The following ASGR1 variants were observed in gnomAD, a reference collection of about 807,000 sequenced individuals.
ASGR1 encodes C-type lectin domain family 4 member H1.
A neutral mutation model predicts 33.1 loss-of-function variants in ASGR1; 35 were observed. The ratio of observed to expected loss-of-function variants is 1.06; its 90% CI spans 0.81 to 1.40. The LOEUF (loss-of-function observed/expected upper bound fraction) is 1.40. ASGR1 is among the 40% of genes most tolerant of loss of function. ASGR1 has a pLI of 0.00. For synonymous variants in ASGR1, 142 were observed against 152.5 expected, an observed-to-expected ratio of 0.93 and a Z score of 0.51; for missense variants, 396 against 373.7, an observed-to-expected ratio of 1.06 and a Z score of -0.49.
intron 5 of ASGR1, among the ~76,000 whole-genome samples, chr17:7,175,746 C>T (rs759444493): frequency 1.3e-5 from 2 of 150,484 alleles, no homozygotes; most frequent in Non-Finnish European, 2.9e-5. Flanking sequence ...CACTCACAAA[C>T]ACCCATCCAC....
rs777401287 is a variant in ASGR1 at position 7,173,684 on chromosome 17, G to C, written c.851C>G (p.Ala284Gly). 9 of 1,613,588 alleles carry C rather than the reference G, an allele frequency of 5.6e-6. No individual in the cohort carries two copies. The highest frequency in any genetic ancestry group is 7.6e-6 in the Non-Finnish European group (9 of 1,180,052). Reference sequence around the variant, plus strand: ...TTAAAGGAGAGGTGGCTCCTGGCTGGCCTTGTCCAGCTCTGTCTCGCAGAC... The same window carrying C: ...TTAAAGGAGAGGTGGCTCCTGGCTGCCCTTGTCCAGCTCTGTCTCGCAGAC... ...RWVCETELDK[A>G]SQEPPLL Residue 284 changes from alanine (A) to glycine (G), a missense_variant, in exon 9 of 9, where the codon GCC becomes GGC. Coordinates refer to ENST00000269299, the MANE Select transcript of ASGR1 (RefSeq NM_001671.5). The surrounding 1 kb of genome is among the most constrained non-coding windows in gnomAD (Gnocchi z 4.7).
At position 7,174,923 on chromosome 17, in the gene ASGR1, A is replaced by G. The variant is rs553943362; in HGVS notation, c.356-463T>C. The stretch of plus-strand genomic sequence containing the variant: ...ACACACAATACAGAACACACAACAC[A>G]CCCTAACCCACATACACAAAACACA... On this transcript the variant is annotated intron_variant, in intron 5 of 8. Transcript: ENST00000269299. Among the ~76,000 whole-genome samples, 41 of 149,876 alleles carry G rather than the reference A, an allele frequency of 2.7e-4. No homozygotes were observed. In the South Asian group the frequency reaches 8.7e-3, roughly 32 times the overall value.
In ASGR1 at chr17:7,174,256, A is replaced by AC. The variant is rs763364916; in HGVS notation, c.475dup (p.Val159GlyfsTer19). The AC allele has an allele frequency of 6.8e-6, 11 of 1,613,980 alleles. No individual in the cohort carries two copies. Among genetic ancestry groups the AC allele is most frequent in the African/African-American group, 1.3e-5 (1 of 74,936 alleles). On this transcript the variant is annotated frameshift_variant, in exon 7 of 9. Coordinates refer to ENST00000269299, the MANE Select transcript of ASGR1 (RefSeq NM_001671.5). LOFTEE classifies it high-confidence loss of function. ...CCAGTAGCAGCTGCGCTCGTGCTCCACCCAGTTGACCGGGCAGCAGGTCCT... is the reference window on the plus strand; with the variant it reads ...CCAGTAGCAGCTGCGCTCGTGCTCCACCCCAGTTGACCGGGCAGCAGGTCCT...
At position 7,179,289 on chromosome 17, in the gene ASGR1, A is replaced by C. The variant is rs1469295057; in HGVS notation, c.-125T>G. ...GCTTGGAGAATGGGGGTGGGCGGAC[A>C]GCCGTGGACAATGGGAGGGGAGCGG... On this transcript the variant is annotated 5_prime_UTR_variant, in exon 1 of 9. Coordinates refer to ENST00000269299, the MANE Select transcript of ASGR1 (RefSeq NM_001671.5). 1 of 152,356 alleles carries C rather than the reference A, an allele frequency of 6.6e-6. No individual in the cohort carries two copies. Among genetic ancestry groups the C allele is most frequent in the African/African-American group, 2.4e-5 (1 of 41,368 alleles). The allele number at this position is 152,356 out of a possible 1,614,324, so 9.4% of individuals were successfully genotyped here. A position where few individuals can be genotyped will look rare whatever the true frequency, so the allele number is the denominator to read the frequency against.
chr17:7,176,586 A>C, intron 5 of ASGR1: 1 of 582,234 alleles, frequency 1.7e-6, no homozygotes, highest in Non-Finnish European at 3.0e-6. Context: ...ACAGACTCAC[A>C]CACACTCCAT....
chr17:7,177,727 G>A, intron 2 of ASGR1: 1 of 196,920 alleles, frequency 5.1e-6, no homozygotes, highest in Non-Finnish European at 1.1e-5. Flanking sequence ...CTCTGTCCAT[G>A]AATTCCACTT....
chr17:7,173,882 G>T lies in ASGR1; in HGVS notation c.702-49C>A, dbSNP rs914079300. On this transcript the variant is annotated intron_variant, in intron 8 of 8. Coordinates refer to ENST00000269299, the MANE Select transcript of ASGR1 (RefSeq NM_001671.5). This position sits in a 1 kb window ranked among gnomAD's most constrained non-coding sequence, Gnocchi z 4.7. ...CCCCAGGAGGTCGGATCCGCAGGCG[G>T]GTCGCTCCAGACTCCTCAGCCCAGG... is the stretch of plus-strand genomic sequence containing the variant. 25 of 1,607,340 alleles carry T rather than the reference G, an allele frequency of 1.6e-5. No homozygotes were observed. Among genetic ancestry groups the T allele is most frequent in the South Asian group, 4.4e-5 (4 of 90,908 alleles).
chr17:7,178,440 G>T (rs1202491788), intron 2 of ASGR1, 54 bp downstream of exon 2: 2 of 1,540,472 alleles, frequency 1.3e-6, no homozygotes, highest in African/African-American at 2.7e-5. Context: ...GTGGCTGGGG[G>T]GTGGAGAACC....
intron 5 of ASGR1, 57 bp from the exon 6 acceptor site, chr17:7,174,517 A>C: frequency 1.3e-6 from 2 of 1,553,748 alleles, no homozygotes; most frequent in South Asian, 1.2e-5. Context: ...GGGGAGGGAA[A>C]CGGGAAACGA....
rs1185210556 is a variant in ASGR1, at chr17:7,178,724, CT to C, written c.-25-137del. On this transcript the variant is annotated intron_variant, in intron 1 of 8. Transcript: ENST00000269299. ...TTTCTTCTTTCTTTCTTTTCTTTTTCTTTTTTTTCTTTTCTTTTTTTTTTTT... is the reference window on the plus strand; with the variant it reads ...TTTCTTCTTTCTTTCTTTTCTTTTTCTTTTTTTCTTTTCTTTTTTTTTTTT... 12 of 427,466 alleles carry C rather than the reference CT, an allele frequency of 2.8e-5. No individual in the cohort carries two copies. The Middle Eastern group carries it at 1.9e-3, about 68-fold the overall frequency. The allele number at this position is 427,466 out of a possible 1,614,324, so 26.5% of individuals were successfully genotyped here.
chr17:7,174,486 G>C (rs376742824), intron 5 of ASGR1, 26 bp from the exon 6 acceptor site: 5 of 1,603,756 alleles, frequency 3.1e-6, no homozygotes, highest in Middle Eastern at 1.7e-4. Context: ...GGAGGGGAGC[G>C]GGAGGAGATG....
chr17:7,179,029 G>GC (rs1164757639), intron 1 of ASGR1, 161 bp downstream of exon 1: 1 of 152,508 alleles, frequency 6.6e-6, no homozygotes, highest in African/African-American at 2.4e-5. Context: ...GGACCACCGC[G>GC]CCCCACCGGG....
intron 3 of ASGR1, 24 bp from the exon 4 acceptor site, chr17:7,177,100 G>A (rs781053274): frequency 3.7e-6 from 6 of 1,613,722 alleles, no homozygotes; most frequent in Non-Finnish European, 5.1e-6. Flanking sequence ...CGTGCAGAGA[G>A]AAGAAAACGG....
chr17:7,176,149 TCTCA>T (rs2069201553), intron 5 of ASGR1, among the ~76,000 whole-genome samples: 1 of 134,202 alleles, frequency 7.5e-6, no homozygotes, highest in Non-Finnish European at 1.6e-5. Context: ...CCCATCTCAT[TCTCA>T]CACACAGACA....
chr17:7,177,499 G>GGA, intron 2 of ASGR1, 173 bp from the exon 3 acceptor site: 2 of 588,744 alleles, frequency 3.4e-6, no homozygotes, highest in East Asian at 5.7e-5. Flanking sequence ...TGGAAATCGG[G>GGA]GAGAAAAGAG....
chr17:7,173,885 C>T lies in ASGR1; in HGVS notation c.702-52G>A, dbSNP rs780572152. 5.2e-5 allele frequency: 83 copies of T among 1,606,970 alleles called. No individual in the cohort carries two copies. Among genetic ancestry groups the T allele is most frequent in the Non-Finnish European group, 6.6e-5 (78 of 1,177,018 alleles). ...CAGGAGGTCGGATCCGCAGGCGGGT[C>T]GCTCCAGACTCCTCAGCCCAGGGCC... On this transcript the variant is annotated intron_variant, in intron 8 of 8. Coordinates refer to ENST00000269299, the MANE Select transcript of ASGR1 (RefSeq NM_001671.5). The surrounding 1 kb of genome is among the most constrained non-coding windows in gnomAD (Gnocchi z 4.7).
In ASGR1 at chr17:7,173,548, C is replaced by T; in HGVS notation, c.*111G>A. The stretch of plus-strand genomic sequence containing the variant: ...CTTCGGAACATCACCCTATCCTTCC[C>T]CTTCCCTTAAAATCCTAGATGAAAA... On this transcript the variant is annotated 3_prime_UTR_variant, in exon 9 of 9. Transcript: ENST00000269299. The surrounding 1 kb of genome is among the most constrained non-coding windows in gnomAD (Gnocchi z 4.7). The T allele has an allele frequency of 7.0e-7, 1 of 1,433,878 alleles. No individual in the cohort carries two copies. The highest frequency in any genetic ancestry group is 1.3e-5 in the South Asian group (1 of 78,924). 88.8% of individuals were successfully genotyped at this position (1,433,878 alleles called of 1,614,324 possible). A position where few individuals can be genotyped will look rare whatever the true frequency, so the allele number is the denominator to read the frequency against.
At chr17:7,176,498 C>T in intron 5 of ASGR1, 1 of 463,734 alleles carries the variant, frequency 2.2e-6, no homozygotes, top group South Asian at 2.3e-5. Context: ...ATCTCATTCT[C>T]ACACTCAGAC....
At chr17:7,176,088 ACT>A (rs755462358) in intron 5 of ASGR1, among the ~76,000 whole-genome samples, 34 of 148,098 alleles carry the variant, frequency 2.3e-4, no homozygotes, top group East Asian at 4.0e-4. Context: ...TCATTCTCAC[ACT>A]CACACACACT....
Sources: allele counts gnomAD v4.1 joint callset (sites outside exome capture counted in the v4.1 genomes callset), GRCh38; gene constraint gnomAD v4.1.1; non-coding constraint Gnocchi (gnomAD v3.1); transcripts MANE v1.5; gene names NCBI Gene and HGNC (gene_info 2026-07-23, HGNC 2026-07-21).